Variants in KCTD8 observed in about 807,000 individuals in gnomAD.
KCTD8 encodes the protein potassium channel tetramerization domain containing 8.
KCTD8 carries 27 observed loss-of-function variants against 31.5 expected under a neutral mutation model. The observed-to-expected ratio is 0.86, with a 90% CI of 0.63 to 1.18. The LOEUF is 1.18. KCTD8 is among the 50% of genes most tolerant of loss of function. The pLI, the probability that KCTD8 is intolerant of heterozygous loss-of-function variation, is 0.00. For synonymous variants in KCTD8, 290 were observed against 280.0 expected (o/e 1.04, Z -0.36); for missense variants, 658 against 647.7 (o/e 1.02, Z -0.17).
At chr4:44,259,213 G>GT (rs111239095) in intron 1 of KCTD8, among the ~76,000 whole-genome samples, 35 of 149,650 alleles carry the variant, frequency 2.3e-4, no homozygotes, top group African/African-American at 4.2e-4. Context: ...TTGCTTTGTG[G>GT]TTTTTTTTTC....
intron 1 of KCTD8, among the ~76,000 whole-genome samples, chr4:44,384,220 T>G (rs976965070): frequency 6.6e-6 from 1 of 151,820 alleles, no homozygotes; most frequent in Non-Finnish European, 1.5e-5. Flanking sequence ...TTGGTGGGAA[T>G]GTAAAGTAGT....
rs926319620 is a variant in KCTD8, at chr4:44,442,395, T to C, written c.961+5168A>G. ...TGAGGTCAGGAGTTCAAGACCAGCC[T>C]GTCCAACACGGTGAAACCCCATCTC... On this transcript the variant is annotated intron_variant, in intron 1 of 1. Transcript: ENST00000360029. 3.9e-5 allele frequency among the ~76,000 whole-genome samples: 6 copies of C among 152,242 alleles called. No homozygotes were observed. The East Asian group carries it at 1.2e-3, about 29-fold the overall frequency.
rs559963801 is a variant in KCTD8 at position 44,302,502 on chromosome 4, T to C, written c.962-127252A>G. On this transcript the variant is annotated intron_variant, in intron 1 of 1. Transcript: ENST00000360029. ...GCCATTGTGAATGGGAGTTCACTCATGATTTGGCTCTCTGTTTGTCTGTTA... is the reference window on the plus strand; with the variant it reads ...GCCATTGTGAATGGGAGTTCACTCACGATTTGGCTCTCTGTTTGTCTGTTA... Among the ~76,000 whole-genome samples the C allele has an allele frequency of 3.3e-5, 5 of 152,152 alleles. No homozygotes were observed. In the East Asian group the frequency reaches 9.6e-4, roughly 29 times the overall value.
intron 1 of KCTD8, 125 bp downstream of exon 1, chr4:44,447,438 C>G: frequency 7.3e-7 from 1 of 1,376,242 alleles, no homozygotes; most frequent in South Asian, 1.7e-5. Flanking sequence ...GGGAGAGCCG[C>G]TCTCTATAAG....
At chr4:44,440,452 A>G (rs1721787205) in intron 1 of KCTD8, among the ~76,000 whole-genome samples, 1 of 152,166 alleles carries the variant, frequency 6.6e-6, no homozygotes, top group African/African-American at 2.4e-5. Flanking sequence ...TCTCTATAAC[A>G]TAATTCACAA....
At chr4:44,332,204 A>C (rs1198518164) in intron 1 of KCTD8, among the ~76,000 whole-genome samples, 2 of 151,962 alleles carry the variant, frequency 1.3e-5, no homozygotes, top group Non-Finnish European at 2.9e-5. Flanking sequence ...ATAAGTGAGA[A>C]TAGATCACCC....
At chr4:44,222,107 C>A (rs949017490) in intron 1 of KCTD8, among the ~76,000 whole-genome samples, 2 of 152,114 alleles carry the variant, frequency 1.3e-5, no homozygotes, top group African/African-American at 4.8e-5. Flanking sequence ...AAATAATTTA[C>A]ATTTTTATTA....
intron 1 of KCTD8, among the ~76,000 whole-genome samples, chr4:44,223,352 T>C (rs189444868): frequency 8.4e-4 from 128 of 152,168 alleles, no homozygotes; most frequent in African/African-American, 2.9e-3. Flanking sequence ...CCTGGTAACT[T>C]TGAGATACCT....
rs765408963 is a variant in KCTD8 at position 44,447,547 on chromosome 4, G to C, written c.961+16C>G. 2.6e-6 allele frequency: 4 copies of C among 1,530,506 alleles called. No homozygotes were observed. Among genetic ancestry groups the C allele is most frequent in the East Asian group, 2.4e-5 (1 of 42,340 alleles). The allele number at this position is 1,530,506 out of a possible 1,614,324, so 94.8% of individuals were successfully genotyped here. A position where few individuals can be genotyped will look rare whatever the true frequency, so the allele number is the denominator to read the frequency against. On this transcript the variant is annotated intron_variant, in intron 1 of 1. Transcript: ENST00000360029. ...GGGGCGAGGGGTGCTGGGAAACGCC[G>C]GGGCTGCGAACTTACGGAAGAAAAT...
intron 1 of KCTD8, among the ~76,000 whole-genome samples, chr4:44,304,549 T>G (rs1455735938): frequency 6.6e-6 from 1 of 152,126 alleles, no homozygotes; most frequent in East Asian, 1.9e-4. Context: ...AAGCTGTGAT[T>G]AAAAGTAATA....
At chr4:44,281,296 G>C (rs1716900134) in intron 1 of KCTD8, among the ~76,000 whole-genome samples, 1 of 152,086 alleles carries the variant, frequency 6.6e-6, no homozygotes, top group Non-Finnish European at 1.5e-5. Flanking sequence ...TTGCAAAAGA[G>C]TAAAATTTAT....
intron 1 of KCTD8, among the ~76,000 whole-genome samples, chr4:44,258,668 T>A (rs555017869): frequency 6.6e-6 from 1 of 151,964 alleles, no homozygotes; most frequent in African/African-American, 2.4e-5. Context: ...AAATATGATA[T>A]TTAATACATT....
At chr4:44,346,922 A>G (rs1031039955) in intron 1 of KCTD8, among the ~76,000 whole-genome samples, 2 of 152,214 alleles carry the variant, frequency 1.3e-5, no homozygotes, top group Admixed American at 6.5e-5. Flanking sequence ...CTAAGACCTG[A>G]GTTGAATATC....
intron 1 of KCTD8, among the ~76,000 whole-genome samples, chr4:44,274,645 GC>G (rs1160318219): frequency 2.0e-5 from 3 of 151,396 alleles, no homozygotes; most frequent in Admixed American, 6.6e-5. Context: ...TCATTTCTTG[GC>G]CCATGTCAAA....
intron 1 of KCTD8, among the ~76,000 whole-genome samples, chr4:44,359,999 A>T (rs1357901228): frequency 6.6e-6 from 1 of 152,072 alleles, no homozygotes; most frequent in African/African-American, 2.4e-5. Context: ...ATACACATAC[A>T]TAGTAACAAT....
intron 1 of KCTD8, among the ~76,000 whole-genome samples, chr4:44,208,369 A>G (rs536051327): frequency 6.6e-6 from 1 of 152,278 alleles, no homozygotes; most frequent in South Asian, 2.1e-4. Context: ...ACCTGAGAGT[A>G]CAGCCACAGG....
intron 1 of KCTD8, among the ~76,000 whole-genome samples, chr4:44,282,231 G>T (rs969776709): frequency 6.6e-6 from 1 of 151,892 alleles, no homozygotes; most frequent in Non-Finnish European, 1.5e-5. Context: ...TTGTGTCTCT[G>T]TGTCACATGT....
intron 1 of KCTD8, among the ~76,000 whole-genome samples, chr4:44,291,960 GAAAAAAAAA>G (rs571458412): frequency 1.1e-5 from 1 of 88,432 alleles, no homozygotes; most frequent in African/African-American, 4.3e-5. Context: ...TGGCTATTAT[GAAAAAAAAA>G]AAAAAAAAAA....
intron 1 of KCTD8, among the ~76,000 whole-genome samples, chr4:44,415,452 A>G (rs1721052991): frequency 6.6e-6 from 1 of 152,172 alleles, no homozygotes; most frequent in South Asian, 2.1e-4. Context: ...AGACAATGGG[A>G]AAAAGCCTCA....
Sources: allele counts gnomAD v4.1 joint callset (sites outside exome capture counted in the v4.1 genomes callset), GRCh38; gene constraint gnomAD v4.1.1; transcripts MANE v1.5; gene names NCBI Gene and HGNC (gene_info 2026-07-23, HGNC 2026-07-21).